Variants in ITGAV observed in about 807,000 individuals in gnomAD.
ITGAV encodes the protein integrin alpha-V.
In ITGAV, 76 loss-of-function variants were observed where a neutral mutation model predicts 143.8. That is an observed-to-expected ratio of 0.53 (90% CI 0.44 to 0.64). The LOEUF is 0.64. Ranked by LOEUF, ITGAV falls within the 30% of genes least tolerant of loss-of-function variation. The pLI, the probability that ITGAV is intolerant of heterozygous loss-of-function variation, is 0.00. For synonymous variants in ITGAV, 453 were observed against 446.7 expected (o/e 1.01, Z -0.18); for missense variants, 1,193 against 1,274.7 (o/e 0.94, Z 0.98).
chr2:186,662,413 T>C (rs905493828), intron 18 of ITGAV, among the ~76,000 whole-genome samples: 13 of 152,254 alleles, frequency 8.5e-5, no homozygotes, highest in African/African-American at 2.9e-4. Flanking sequence ...ATATAGCCAC[T>C]TGCAAGCCTC....
intron 3 of ITGAV, 62 bp downstream of exon 3, chr2:186,622,492 GT>G: frequency 1.8e-6 from 2 of 1,092,800 alleles, no homozygotes; most frequent in Non-Finnish European, 2.8e-6. Flanking sequence ...GACACAGAAG[GT>G]TTTATATTTT....
At chr2:186,623,842 G>A (rs542184291) in intron 3 of ITGAV, among the ~76,000 whole-genome samples, 2 of 152,120 alleles carry the variant, frequency 1.3e-5, no homozygotes, top group East Asian at 1.9e-4. Flanking sequence ...CTACATGTCC[G>A]CTATTTCTAC....
intron 2 of ITGAV, among the ~76,000 whole-genome samples, chr2:186,616,057 A>G (rs866619261): frequency 4.6e-5 from 7 of 151,872 alleles, no homozygotes; most frequent in Non-Finnish European, 8.8e-5. Context: ...TGAAAAGACT[A>G]TTTCTTTGCC....
intron 10 of ITGAV, among the ~76,000 whole-genome samples, chr2:186,639,876 A>G (rs1235462816): frequency 6.6e-6 from 1 of 152,186 alleles, no homozygotes; most frequent in African/African-American, 2.4e-5. Flanking sequence ...AGGCCCATGA[A>G]TATTATTCTG....
intron 29 of ITGAV, 85 bp downstream of exon 29, chr2:186,677,020 G>A: frequency 6.9e-7 from 1 of 1,455,550 alleles, no homozygotes; most frequent in Non-Finnish European, 9.6e-7. Context: ...GAAAAGTAAG[G>A]GAAGGAAGAA....
intron 18 of ITGAV, among the ~76,000 whole-genome samples, chr2:186,661,551 T>C (rs550433616): frequency 6.6e-6 from 1 of 152,014 alleles, no homozygotes; most frequent in East Asian, 1.9e-4. Context: ...TGGGTTTTTT[T>C]CTCTCATTTT....
intron 2 of ITGAV, among the ~76,000 whole-genome samples, chr2:186,613,980 A>C (rs896469159): frequency 3.9e-5 from 6 of 152,136 alleles, no homozygotes; most frequent in African/African-American, 1.4e-4. Context: ...GCTAATGCTT[A>C]AAGAAAGAAG....
intron 18 of ITGAV, among the ~76,000 whole-genome samples, chr2:186,660,194 C>G (rs1453775601): frequency 6.6e-6 from 1 of 151,786 alleles, no homozygotes; most frequent in South Asian, 2.1e-4. Context: ...TCATTGTTAT[C>G]ACTACTTTTG....
At chr2:186,626,306 C>A (rs904383036) in intron 4 of ITGAV, among the ~76,000 whole-genome samples, 31 of 152,182 alleles carry the variant, frequency 2.0e-4, no homozygotes, top group Non-Finnish European at 5.9e-5. Flanking sequence ...TTTCCAAAAT[C>A]TCTACATCCT....
intron 26 of ITGAV, among the ~76,000 whole-genome samples, chr2:186,673,630 T>C (rs928431444): frequency 2.0e-5 from 3 of 152,138 alleles, no homozygotes; most frequent in Non-Finnish European, 4.4e-5. Context: ...GTGATTTCTG[T>C]GTATTCTTTT....
rs1050182710 is a variant in ITGAV, at chr2:186,633,243, A to G, written c.586-86A>G. The G allele has an allele frequency of 8.1e-6, 6 of 742,808 alleles. No individual in the cohort carries two copies. The East Asian group carries it at 1.1e-4, about 13-fold the overall frequency. 46.0% of individuals were successfully genotyped at this position (742,808 alleles called of 1,614,324 possible). A position where few individuals can be genotyped will look rare whatever the true frequency, so the allele number is the denominator to read the frequency against. ...TGTTCAGTCATGTATACATATACATATATATCTTATGTTTTTCATTGATTT... is the reference window on the plus strand; with the variant it reads ...TGTTCAGTCATGTATACATATACATGTATATCTTATGTTTTTCATTGATTT... On this transcript the variant is annotated intron_variant, in intron 5 of 29. Coordinates refer to ENST00000261023, the MANE Select transcript of ITGAV (RefSeq NM_002210.5).
chr2:186,618,312 T>C (rs1335612857), intron 2 of ITGAV, among the ~76,000 whole-genome samples: 1 of 152,236 alleles, frequency 6.6e-6, no homozygotes, highest in Non-Finnish European at 1.5e-5. Flanking sequence ...TGTTATTCTT[T>C]TTGAAGACCA....
rs139359558 is a variant in ITGAV at position 186,675,699 on chromosome 2, G to T, written c.2802G>T (p.Trp934Cys). ...SAILYVKSLLWTETFMNKENQ... is the reference protein window; with the variant it reads ...SAILYVKSLLCTETFMNKENQ... Reference sequence around the variant, plus strand: ...TCTTGTACGTAAAGTCATTACTGTGGACTGAGACTTTTATGAATGTAAGTA... The same window carrying T: ...TCTTGTACGTAAAGTCATTACTGTGTACTGAGACTTTTATGAATGTAAGTA... The change falls in exon 27 of 30, where the codon TGG (tryptophan) becomes TGT (cysteine). Residue 934 changes from tryptophan to cysteine, a missense_variant. Coordinates refer to ENST00000261023, the MANE Select transcript of ITGAV (RefSeq NM_002210.5). 1 of 1,611,858 alleles carries T rather than the reference G, an allele frequency of 6.2e-7. No individual in the cohort carries two copies. The highest frequency in any genetic ancestry group is 8.5e-7 in the Non-Finnish European group (1 of 1,178,024).
chr2:186,656,616 C>G (rs953773234), intron 17 of ITGAV, among the ~76,000 whole-genome samples: 1 of 152,054 alleles, frequency 6.6e-6, no homozygotes, highest in African/African-American at 2.4e-5. Context: ...AACAATACTA[C>G]TGAACAAATT....
At chr2:186,626,978 G>A (rs894322769) in intron 4 of ITGAV, among the ~76,000 whole-genome samples, 5 of 152,070 alleles carry the variant, frequency 3.3e-5, no homozygotes, top group East Asian at 1.9e-4. Context: ...TTATAGCTAC[G>A]AAGAATGAGT....
At chr2:186,659,434 A>G (rs1263065467) in intron 18 of ITGAV, among the ~76,000 whole-genome samples, 2 of 152,056 alleles carry the variant, frequency 1.3e-5, no homozygotes, top group Non-Finnish European at 2.9e-5. Context: ...ATGAAATAGG[A>G]AAATAATTCA....
intron 1 of ITGAV, among the ~76,000 whole-genome samples, chr2:186,594,527 T>C (rs1048070620): frequency 1.3e-5 from 2 of 152,170 alleles, no homozygotes; most frequent in African/African-American, 4.8e-5. Flanking sequence ...TCCTCCCCCA[T>C]CCCTCTGCCC....
At chr2:186,619,295 G>C (rs913054378) in intron 2 of ITGAV, among the ~76,000 whole-genome samples, 1 of 151,942 alleles carries the variant, frequency 6.6e-6, no homozygotes, top group Admixed American at 6.6e-5. Context: ...AGTGAAATAA[G>C]CCAGGAACAG....
intron 13 of ITGAV, among the ~76,000 whole-genome samples, chr2:186,648,535 G>C (rs1440607069): frequency 6.6e-6 from 1 of 152,194 alleles, no homozygotes; most frequent in Non-Finnish European, 1.5e-5. Context: ...CGTGATCTCA[G>C]CTCACTGCAA....
Sources: allele counts gnomAD v4.1 joint callset (sites outside exome capture counted in the v4.1 genomes callset), GRCh38; gene constraint gnomAD v4.1.1; transcripts MANE v1.5; gene names NCBI Gene and HGNC (gene_info 2026-07-23, HGNC 2026-07-21).